Variants in SEC24D observed in about 807,000 individuals in gnomAD.
The protein encoded by SEC24D is protein transport protein Sec24D.
In SEC24D, 69 loss-of-function variants were observed where a neutral mutation model predicts 116.9. That is an observed-to-expected ratio of 0.59 (90% CI 0.49 to 0.72). The LOEUF (loss-of-function observed/expected upper bound fraction) is 0.72. SEC24D is among the 30% of genes least tolerant of loss of function. The pLI is 0.00. For synonymous variants in SEC24D, 405 were observed against 442.8 expected (o/e 0.91, Z 1.07); for missense variants, 1,131 against 1,264.1 (o/e 0.89, Z 1.60).
At position 118,740,758 on chromosome 4, in the gene SEC24D, C is replaced by A. The variant is rs151309585; in HGVS notation, c.2143G>T (p.Asp715Tyr). The A allele has an allele frequency of 6.2e-7, 1 of 1,613,902 alleles. No homozygotes were observed. The highest frequency in any genetic ancestry group is 2.2e-5 in the East Asian group (1 of 44,870). Residue 715 changes from aspartate to tyrosine, a missense_variant, in exon 17 of 23, where the codon GAT (aspartate) becomes TAT (tyrosine). Coordinates refer to ENST00000280551, the MANE Select transcript of SEC24D (RefSeq NM_014822.4). ...FGGILMNNTTDVEMAAIDCDK... is the reference protein window; with the variant it reads ...FGGILMNNTTYVEMAAIDCDK... Reference sequence around the variant, plus strand: ...CAATCGATGGCAGCCATTTCTACATCGGTGGTGTTGTTCATCAAGATTCCA... The same window carrying A: ...CAATCGATGGCAGCCATTTCTACATAGGTGGTGTTGTTCATCAAGATTCCA...
chr4:118,814,810 G>A (rs575739953), intron 6 of SEC24D, among the ~76,000 whole-genome samples: 11 of 152,096 alleles, frequency 7.2e-5, no homozygotes, highest in Middle Eastern at 6.8e-3. Context: ...AAAAAAATCA[G>A]CACAGGCTGC....
At chr4:118,813,404 G>A (rs1010108563) in intron 6 of SEC24D, among the ~76,000 whole-genome samples, 2 of 152,226 alleles carry the variant, frequency 1.3e-5, no homozygotes, top group African/African-American at 4.8e-5. Context: ...TTATAGCTAT[G>A]GAGGCTAAGA....
Position 118,824,680 on chromosome 4 carries a change from G to A in SEC24D, c.188C>T (p.Pro63Leu), listed in dbSNP as rs1033987389. ...TRGMLPPGPP[P>L]PGPHQFGQNG... ...CTGACCAAACTGATGGGGTCCAGGA[G>A]GTGGGGGACCCGGAGGCAACATTCC... Residue 63 changes from proline to leucine, a missense_variant, in exon 3 of 23, where the codon CCT (proline) becomes CTT (leucine). Physicochemically the swap from Pro to Leu is moderately conservative, Grantham distance 98. Transcript: ENST00000280551. The A allele has an allele frequency of 5.0e-6, 8 of 1,609,138 alleles. No homozygotes were observed. The African/African-American group carries it at 1.1e-4, about 22-fold the overall frequency.
Position 118,815,170 on chromosome 4 carries a change from T to A in SEC24D, c.674-15A>T. ...ACCAGAGTTGGCTGCTTGGAAAAAATTTAAAGAGAAATGACTATCATCCCA... is the reference window on the plus strand; with the variant it reads ...ACCAGAGTTGGCTGCTTGGAAAAAAATTAAAGAGAAATGACTATCATCCCA... On this transcript the variant is annotated splice_polypyrimidine_tract_variant and intron_variant, in intron 5 of 22. Transcript: ENST00000280551. 6.8e-6 allele frequency: 11 copies of A among 1,613,596 alleles called. No homozygotes were observed. The highest frequency in any genetic ancestry group is 9.3e-6 in the Non-Finnish European group (11 of 1,179,842).
intron 8 of SEC24D, among the ~76,000 whole-genome samples, chr4:118,773,476 G>A (rs1177970260): frequency 6.6e-6 from 1 of 152,152 alleles, no homozygotes; most frequent in Non-Finnish European, 1.5e-5. Flanking sequence ...TGTAACTTTG[G>A]CAAGCGGCTA....
Position 118,740,715 on chromosome 4 carries a change from A to G in SEC24D, c.2186T>C (p.Val729Ala), listed in dbSNP as rs776574838. The G allele has an allele frequency of 6.2e-7, 1 of 1,613,930 alleles. No individual in the cohort carries two copies. Among genetic ancestry groups the G allele is most frequent in the Non-Finnish European group, 8.5e-7 (1 of 1,179,858 alleles). Residue 729 changes from valine (V) to alanine (A), a missense_variant, in exon 17 of 23, where the codon GTG becomes GCG. Physicochemically the swap from Val to Ala is moderately conservative, Grantham distance 64. Transcript: ENST00000280551. ...AAIDCDKAVT[V>A]EFKHDDKLSE... is the part of the protein sequence containing the mutation. ...GAGTTTGTCATCGTGCTTGAACTCCACGGTCACTGCCTTGTCACAATCGAT... is the reference window on the plus strand; with the variant it reads ...GAGTTTGTCATCGTGCTTGAACTCCGCGGTCACTGCCTTGTCACAATCGAT...
chr4:118,785,260 A>G (rs1728620253), intron 8 of SEC24D, among the ~76,000 whole-genome samples: 1 of 152,198 alleles, frequency 6.6e-6, no homozygotes, highest in Non-Finnish European at 1.5e-5. Flanking sequence ...TCAAAATTCT[A>G]CTATACTTCT....
At chr4:118,814,091 A>T (rs1377989111) in intron 6 of SEC24D, among the ~76,000 whole-genome samples, 1 of 152,224 alleles carries the variant, frequency 6.6e-6, no homozygotes, top group Non-Finnish European at 1.5e-5. Flanking sequence ...ATGTTTATCG[A>T]ACCTATTCAA....
intron 7 of SEC24D, among the ~76,000 whole-genome samples, chr4:118,804,560 C>T (rs1423367112): frequency 6.6e-6 from 1 of 151,116 alleles, no homozygotes; most frequent in Non-Finnish European, 1.5e-5. Flanking sequence ...AATGAAATTG[C>T]CACCTTTTAT....
chr4:118,804,505 T>C (rs1429758345), intron 7 of SEC24D, among the ~76,000 whole-genome samples: 1 of 151,680 alleles, frequency 6.6e-6, no homozygotes, highest in Non-Finnish European at 1.5e-5. Context: ...AAATATTAAA[T>C]AAATAGATAT....
At chr4:118,754,170 C>T (rs1160596559) in intron 11 of SEC24D, 3 of 152,088 alleles carry the variant, frequency 2.0e-5, no homozygotes, top group African/African-American at 7.2e-5. Context: ...TAATCCCTTC[C>T]AAAAGCACTT....
At chr4:118,788,658 T>C (rs1364351126) in intron 8 of SEC24D, among the ~76,000 whole-genome samples, 1 of 152,216 alleles carries the variant, frequency 6.6e-6, no homozygotes, top group Non-Finnish European at 1.5e-5. Context: ...CAGAGTTTGT[T>C]AGAGAGGTGA....
At chr4:118,730,646 A>G (rs1321865582) in intron 21 of SEC24D, 1 of 152,318 alleles carries the variant, frequency 6.6e-6, no homozygotes, top group Non-Finnish European at 1.5e-5. Context: ...AACGTTTGCA[A>G]TAAATGTTGA....
chr4:118,809,749 T>C (rs1047890810), intron 6 of SEC24D, among the ~76,000 whole-genome samples: 2 of 152,186 alleles, frequency 1.3e-5, no homozygotes, highest in Admixed American at 1.3e-4. Flanking sequence ...AAAACCATCA[T>C]GGAGTGGACA....
At chr4:118,814,342 A>G (rs1050778789) in intron 6 of SEC24D, among the ~76,000 whole-genome samples, 22 of 152,192 alleles carry the variant, frequency 1.4e-4, no homozygotes, top group African/African-American at 4.8e-4. Context: ...TGTCCTCAGT[A>G]GTGTTTGCCT....
chr4:118,726,908 T>C (rs1284069092), intron 22 of SEC24D, among the ~76,000 whole-genome samples: 1 of 152,234 alleles, frequency 6.6e-6, no homozygotes, highest in Non-Finnish European at 1.5e-5. Context: ...CTCTTGATCC[T>C]TCCATACCAA....
chr4:118,731,826 A>T (rs1401434830), intron 20 of SEC24D, among the ~76,000 whole-genome samples: 1 of 152,212 alleles, frequency 6.6e-6, no homozygotes, highest in Non-Finnish European at 1.5e-5. Context: ...TAACTAGGGT[A>T]GTCCAGGGAG....
chr4:118,817,249 T>A lies in SEC24D; in HGVS notation c.397+15A>T. ...ACACAAGGCAGTCAATAAACACTAA[T>A]AATAAAACTATTACCATAGCTGTTG... On this transcript the variant is annotated intron_variant, in intron 4 of 22. Coordinates refer to ENST00000280551, the MANE Select transcript of SEC24D (RefSeq NM_014822.4). 6.3e-7 allele frequency: 1 copy of A among 1,586,058 alleles called. No individual in the cohort carries two copies. Among genetic ancestry groups the A allele is most frequent in the South Asian group, 1.2e-5 (1 of 85,694 alleles).
chr4:118,734,261 T>G (rs1165540429), intron 19 of SEC24D, among the ~76,000 whole-genome samples: 1 of 151,898 alleles, frequency 6.6e-6, no homozygotes, highest in Non-Finnish European at 1.5e-5. Context: ...TTGCCCAGGC[T>G]GGAGTGCAGC....
Sources: allele counts gnomAD v4.1 joint callset (sites outside exome capture counted in the v4.1 genomes callset), GRCh38; gene constraint gnomAD v4.1.1; transcripts MANE v1.5; gene names NCBI Gene and HGNC (gene_info 2026-07-23, HGNC 2026-07-21).